The following ATP2A1 variants were observed in gnomAD, a reference collection of about 807,000 sequenced individuals.
ATP2A1 encodes the protein ATPase sarcoplasmic/endoplasmic reticulum Ca2+ transporting 1.
Under a neutral mutation model 109.5 loss-of-function variants are expected in ATP2A1, and 83 were observed. The ratio of observed to expected loss-of-function variants is 0.76; its 90% CI spans 0.63 to 0.91. ATP2A1 has a LOEUF of 0.91. ATP2A1 is among the 40% of genes least tolerant of loss of function. The pLI, the probability that ATP2A1 is intolerant of heterozygous loss-of-function variation, is 0.00. For missense variants in ATP2A1, 1,101 were observed against 1,341.0 expected (o/e 0.82, Z 2.80); for synonymous variants, 505 against 537.6 (o/e 0.94, Z 0.84).
Position 28,903,663 on chromosome 16 carries a change from C to A in ATP2A1, c.2981-37C>A, listed in dbSNP as rs974167104. On this transcript the variant is annotated intron_variant, in intron 21 of 22. Coordinates refer to ENST00000395503, the MANE Select transcript of ATP2A1 (RefSeq NM_004320.6). The surrounding 1 kb of genome is among the most constrained non-coding windows in gnomAD (Gnocchi z 5.6). ...CTATAGCCCCCATGCCACCTCCCTGCCTTGATAACAGTGCCTCTTGTCCTC... is the reference window on the plus strand; with the variant it reads ...CTATAGCCCCCATGCCACCTCCCTGACTTGATAACAGTGCCTCTTGTCCTC... 12 of 1,591,844 alleles carry A rather than the reference C, an allele frequency of 7.5e-6. No homozygotes were observed. The highest frequency in any genetic ancestry group is 9.5e-6 in the Non-Finnish European group (11 of 1,159,844).
At chr16:28,894,429 C>T in intron 10 of ATP2A1, 76 bp from the exon 11 acceptor site, 1 of 1,443,866 alleles carries the variant, frequency 6.9e-7, no homozygotes, top group Non-Finnish European at 9.6e-7. Flanking sequence ...GCCTGCTCTT[C>T]CTGTGCCCTC....
In ATP2A1 at chr16:28,880,123, A is replaced by G; in HGVS notation, c.219+540A>G. On this transcript the variant is annotated intron_variant, in intron 3 of 22. Coordinates refer to ENST00000395503, the MANE Select transcript of ATP2A1 (RefSeq NM_004320.6). The surrounding 1 kb of genome is among the most constrained non-coding windows in gnomAD (Gnocchi z 4.2). ...AGGGAGGGCACTGGCATCCCTCATTACCCGCCCAGCCTGGCCTTAGCCCTT... is the reference window on the plus strand; with the variant it reads ...AGGGAGGGCACTGGCATCCCTCATTGCCCGCCCAGCCTGGCCTTAGCCCTT... The G allele has an allele frequency of 3.0e-6, 3 of 994,928 alleles. No individual in the cohort carries two copies. The highest frequency in any genetic ancestry group is 3.6e-6 in the Non-Finnish European group (3 of 837,736). The allele number at this position is 994,928 out of a possible 1,614,324, so 61.6% of individuals were successfully genotyped here.
rs1313487985 is a variant in ATP2A1 at position 28,887,111 on chromosome 16, C to A, written c.545-78C>A. The A allele has an allele frequency of 9.6e-6, 14 of 1,450,790 alleles. No homozygotes were observed. In the East Asian group the frequency reaches 2.7e-4, roughly 28 times the overall value. The allele number at this position is 1,450,790 out of a possible 1,614,324, so 89.9% of individuals were successfully genotyped here. A position where few individuals can be genotyped will look rare whatever the true frequency, so the allele number is the denominator to read the frequency against. On this transcript the variant is annotated intron_variant, in intron 6 of 22. Coordinates refer to ENST00000395503, the MANE Select transcript of ATP2A1 (RefSeq NM_004320.6). ...CCTTACCAGGAGCTGTCCTGCTGAG[C>A]AGGGAGAGAGTTAGGCACGGGAAGC...
rs1187431449 is a variant in ATP2A1 at position 28,901,958 on chromosome 16, G to C, written c.2196G>C (p.Glu732Asp). 6.2e-7 allele frequency: 1 copy of C among 1,614,248 alleles called. No individual in the cohort carries two copies. Among genetic ancestry groups the C allele is most frequent in the South Asian group, 1.1e-5 (1 of 91,082 alleles). Residue 732 changes from glutamate (E) to aspartate (D), a missense_variant, in exon 16 of 23, where the codon GAG (glutamate) becomes GAC (aspartate). Glu to Asp is a conservative substitution (Grantham distance 45, BLOSUM62 2). Coordinates refer to ENST00000395503, the MANE Select transcript of ATP2A1 (RefSeq NM_004320.6). ...SGTAVAKTASEMVLADDNFST... is the reference protein window; with the variant it reads ...SGTAVAKTASDMVLADDNFST... ...CTGCCGTGGCCAAGACTGCCTCTGA[G>C]ATGGTGCTGGCTGACGACAACTTCT...
At chr16:28,887,800 T>G (rs1475119448) in intron 8 of ATP2A1, 78 bp downstream of exon 8, 1 of 1,553,146 alleles carries the variant, frequency 6.4e-7, no homozygotes. Context: ...TTCTTTTCTT[T>G]TTTTCTTTTT....
chr16:28,893,418 G>C (rs28516019), intron 9 of ATP2A1, among the ~76,000 whole-genome samples: 1 of 16,216 alleles, frequency 6.2e-5, no homozygotes, highest in Non-Finnish European at 1.2e-4. Context: ...AAAACAAAAA[G>C]AAAAAGAAAA....
rs998279289 is a variant in ATP2A1 at position 28,883,380 on chromosome 16, G to A, written c.463+791G>A. Among the ~76,000 whole-genome samples, 3 of 152,200 alleles carry A rather than the reference G, an allele frequency of 2.0e-5. No individual in the cohort carries two copies. Among genetic ancestry groups the A allele is most frequent in the Non-Finnish European group, 2.9e-5 (2 of 68,022 alleles). On this transcript the variant is annotated intron_variant, in intron 5 of 22. Coordinates refer to ENST00000395503, the MANE Select transcript of ATP2A1 (RefSeq NM_004320.6). This position sits in a 1 kb window ranked among gnomAD's most constrained non-coding sequence, Gnocchi z 5.2. ...CGCCCCATCACAGGGCAGCCTTGCC[G>A]CCGTGACAGCATGGAGTCAGCGCCA...
rs1308937694 is a variant in ATP2A1, at chr16:28,878,644, C to T, written c.-28C>T. On this transcript the variant is annotated 5_prime_UTR_variant, in exon 1 of 23. Coordinates refer to ENST00000395503, the MANE Select transcript of ATP2A1 (RefSeq NM_004320.6). ...TGGGAACCCCCTGGAAGGAACACAC[C>T]GGCCCCGGCCCCCAGGAAGGGAGCA... is the stretch of plus-strand genomic sequence containing the variant. 15 of 1,563,308 alleles carry T rather than the reference C, an allele frequency of 9.6e-6. No homozygotes were observed. The highest frequency in any genetic ancestry group is 4.1e-5 in the African/African-American group (3 of 73,800).
Position 28,883,234 on chromosome 16 carries a change from A to G in ATP2A1, c.463+645A>G, listed in dbSNP as rs1963536617. Among the ~76,000 whole-genome samples, 1 of 152,148 alleles carries G rather than the reference A, an allele frequency of 6.6e-6. No homozygotes were observed. The highest frequency in any genetic ancestry group is 6.5e-5 in the Admixed American group (1 of 15,280). Reference sequence around the variant, plus strand: ...TGTTTGCCCTGAGCAGGCCTTCCCGAAGCTCCAGGCCCCTGCCAGGGGGAA... The same window carrying G: ...TGTTTGCCCTGAGCAGGCCTTCCCGGAGCTCCAGGCCCCTGCCAGGGGGAA... On this transcript the variant is annotated intron_variant, in intron 5 of 22. Transcript: ENST00000395503. The surrounding 1 kb of genome is among the most constrained non-coding windows in gnomAD (Gnocchi z 5.2).
At position 28,888,935 on chromosome 16, in the gene ATP2A1, C is replaced by T; in HGVS notation, c.1077C>T (p.Asn359=). The T allele has an allele frequency of 1.2e-6, 2 of 1,614,182 alleles. No homozygotes were observed. Among genetic ancestry groups the T allele is most frequent in the South Asian group, 2.2e-5 (2 of 91,080 alleles). ...CSDKTGTLTT[N]QMSVCKMFII... is the part of the protein sequence containing the mutation. ...ACAAGACAGGCACCCTCACCACCAACCAGATGTCTGTCTGCAAGGTCAGGA... is the reference window on the plus strand; with the variant it reads ...ACAAGACAGGCACCCTCACCACCAATCAGATGTCTGTCTGCAAGGTCAGGA... Residue 359 remains asparagine, a synonymous_variant, in exon 9 of 23, where the codon AAC becomes AAT. Coordinates refer to ENST00000395503, the MANE Select transcript of ATP2A1 (RefSeq NM_004320.6).
At chr16:28,882,902 C>A (rs939164206) in intron 5 of ATP2A1, among the ~76,000 whole-genome samples, 2 of 152,240 alleles carry the variant, frequency 1.3e-5, no homozygotes, top group African/African-American at 4.8e-5. Flanking sequence ...GTCTCCACCC[C>A]CTCCCGGGCC....
At chr16:28,901,623 A>C (rs1344405501) in intron 15 of ATP2A1, among the ~76,000 whole-genome samples, 2 of 151,218 alleles carry the variant, frequency 1.3e-5, no homozygotes, top group Admixed American at 1.3e-4. Flanking sequence ...ACAGAGTGAG[A>C]CTCCGTCTCA....
chr16:28,898,593 G>C lies in ATP2A1; in HGVS notation c.1764+142G>C. ...CCTTAGTACAGGCCATGGAATCACA[G>C]GACAGTAGAGTTTCAGAGAACCTTG... On this transcript the variant is annotated intron_variant, in intron 14 of 22. Transcript: ENST00000395503. The surrounding 1 kb of genome is among the most constrained non-coding windows in gnomAD (Gnocchi z 4.0). 1 of 1,010,688 alleles carries C rather than the reference G, an allele frequency of 9.9e-7. No individual in the cohort carries two copies. Among genetic ancestry groups the C allele is most frequent in the South Asian group, 1.5e-5 (1 of 68,640 alleles). The allele number at this position is 1,010,688 out of a possible 1,614,324, so 62.6% of individuals were successfully genotyped here.
Position 28,903,503 on chromosome 16 carries a change from C to T in ATP2A1, c.2980+63C>T. The T allele has an allele frequency of 1.4e-6, 2 of 1,445,868 alleles. No homozygotes were observed. Among genetic ancestry groups the T allele is most frequent in the Non-Finnish European group, 9.7e-7 (1 of 1,031,082 alleles). 89.6% of individuals were successfully genotyped at this position (1,445,868 alleles called of 1,614,324 possible). ...CCACAGCCCCTTCCCCATGACGCCG[C>T]CCCCGCCCCGCCCCGTACTTTGCAG... On this transcript the variant is annotated intron_variant, in intron 21 of 22. Coordinates refer to ENST00000395503, the MANE Select transcript of ATP2A1 (RefSeq NM_004320.6). This position sits in a 1 kb window ranked among gnomAD's most constrained non-coding sequence, Gnocchi z 5.6.
Position 28,902,171 on chromosome 16 carries a change from C to T in ATP2A1, c.2322-13C>T. Reference sequence around the variant, plus strand: ...GGAGGCAGGACAGAGGTGTGACCACCTCCTTCCCACAGTATCTTCCTGACC... The same window carrying T: ...GGAGGCAGGACAGAGGTGTGACCACTTCCTTCCCACAGTATCTTCCTGACC... On this transcript the variant is annotated splice_polypyrimidine_tract_variant and intron_variant, in intron 16 of 22. Coordinates refer to ENST00000395503, the MANE Select transcript of ATP2A1 (RefSeq NM_004320.6). The surrounding 1 kb of genome is among the most constrained non-coding windows in gnomAD (Gnocchi z 4.8). The T allele has an allele frequency of 6.2e-7, 1 of 1,614,144 alleles. No individual in the cohort carries two copies. The highest frequency in any genetic ancestry group is 8.5e-7 in the Non-Finnish European group (1 of 1,179,984).
rs756665727 is a variant in ATP2A1 at position 28,900,804 on chromosome 16, T to G, written c.1988T>G (p.Leu663Arg). 5 of 1,614,226 alleles carry G rather than the reference T, an allele frequency of 3.1e-6. No homozygotes were observed. The highest frequency in any genetic ancestry group is 2.7e-5 in the African/African-American group (2 of 75,068). Residue 663 changes from leucine (L) to arginine (R), a missense_variant, in exon 15 of 23, where the codon CTG becomes CGG. Physicochemically the swap from Leu to Arg is moderately radical, Grantham distance 102. Coordinates refer to ENST00000395503, the MANE Select transcript of ATP2A1 (RefSeq NM_004320.6). ...YTGREFDDLP[L>R]AEQREACRRA... ...GGCCGAGAGTTCGACGACCTGCCCCTGGCTGAACAGCGGGAAGCCTGCCGA... is the reference window on the plus strand; with the variant it reads ...GGCCGAGAGTTCGACGACCTGCCCCGGGCTGAACAGCGGGAAGCCTGCCGA...
At chr16:28,893,615 A>C (rs1963835502) in intron 9 of ATP2A1, among the ~76,000 whole-genome samples, 1 of 150,194 alleles carries the variant, frequency 6.7e-6, no homozygotes, top group Non-Finnish European at 1.5e-5. Context: ...AAGCTCCAGC[A>C]CAGCACAGCC....
intron 11 of ATP2A1, 22 bp from the exon 12 acceptor site, chr16:28,894,800 C>A: frequency 6.2e-7 from 1 of 1,610,636 alleles, no homozygotes. Context: ...CCGACTTCCT[C>A]TTCCTCCTCT....
Position 28,879,442 on chromosome 16 carries a change from T to C in ATP2A1, c.137-59T>C, listed in dbSNP as rs1331720362. 6 of 1,529,238 alleles carry C rather than the reference T, an allele frequency of 3.9e-6. No homozygotes were observed. The African/African-American group carries it at 6.8e-5, about 17-fold the overall frequency. The allele number at this position is 1,529,238 out of a possible 1,614,324, so 94.7% of individuals were successfully genotyped here. ...GCAGGCCGGAGTCCAGGGCGCTCCA[T>C]CCCAGACCTTCACCCACTAGACCTT... On this transcript the variant is annotated intron_variant, in intron 2 of 22. Coordinates refer to ENST00000395503, the MANE Select transcript of ATP2A1 (RefSeq NM_004320.6).
Sources: allele counts gnomAD v4.1 joint callset (sites outside exome capture counted in the v4.1 genomes callset), GRCh38; gene constraint gnomAD v4.1.1; non-coding constraint Gnocchi (gnomAD v3.1); transcripts MANE v1.5; gene names NCBI Gene and HGNC (gene_info 2026-07-23, HGNC 2026-07-21).